Variants in ARB2A observed in about 807,000 individuals in gnomAD.
ARB2A encodes ARB2 cotranscriptional regulator A.
chr5:94,039,951 C>T, the ARB2A span, among the ~76,000 whole-genome samples: 2 of 152,002 alleles, frequency 1.3e-5, no homozygotes, highest in African/African-American at 2.4e-5. Flanking sequence ...GTTGGGTACC[C>T]GAGTAAAGGA....
the ARB2A span, among the ~76,000 whole-genome samples, chr5:93,996,920 A>G: frequency 6.6e-6 from 1 of 152,086 alleles, no homozygotes; most frequent in South Asian, 2.1e-4. Flanking sequence ...TCTGCCAGGT[A>G]GTTGGCTCAA....
At chr5:93,884,799 T>G in the ARB2A span, among the ~76,000 whole-genome samples, 1 of 151,582 alleles carries the variant, frequency 6.6e-6, no homozygotes, top group East Asian at 1.9e-4. Flanking sequence ...AATTAATTAA[T>G]GCAATATTCA....
chr5:93,853,306 T>C, the ARB2A span, among the ~76,000 whole-genome samples: 1 of 152,248 alleles, frequency 6.6e-6, no homozygotes, highest in African/African-American at 2.4e-5. Flanking sequence ...TACATTGATT[T>C]TGTATCCTGA....
chr5:93,779,955 G>A, the ARB2A span, among the ~76,000 whole-genome samples: 1 of 151,944 alleles, frequency 6.6e-6, no homozygotes, highest in Non-Finnish European at 1.5e-5. Flanking sequence ...TTTCAGAGTA[G>A]GTTTGAAATA....
At chr5:93,850,790 A>AT in the ARB2A span, among the ~76,000 whole-genome samples, 4 of 152,086 alleles carry the variant, frequency 2.6e-5, no homozygotes, top group East Asian at 1.9e-4. Flanking sequence ...CAATATGAAC[A>AT]TTTTTTCATA....
the ARB2A span, among the ~76,000 whole-genome samples, chr5:93,730,032 A>G: frequency 6.6e-6 from 1 of 152,192 alleles, no homozygotes; most frequent in Non-Finnish European, 1.5e-5. Context: ...ATATGTGCAC[A>G]GAGAATGTTC....
At chr5:93,834,171 G>T in the ARB2A span, among the ~76,000 whole-genome samples, 1 of 152,196 alleles carries the variant, frequency 6.6e-6, no homozygotes, top group Non-Finnish European at 1.5e-5. Flanking sequence ...GTAAGAAGAA[G>T]AAAGAGTAAT....
At chr5:93,836,693 T>C in the ARB2A span, among the ~76,000 whole-genome samples, 2 of 152,214 alleles carry the variant, frequency 1.3e-5, no homozygotes, top group African/African-American at 4.8e-5. Context: ...TTAATGATGA[T>C]TAAAGTACTA....
At chr5:94,084,655 C>T in the ARB2A span, among the ~76,000 whole-genome samples, 4 of 152,156 alleles carry the variant, frequency 2.6e-5, no homozygotes, top group African/African-American at 9.6e-5. Context: ...AGAAAGCATG[C>T]CATTAATACT....
the ARB2A span, among the ~76,000 whole-genome samples, chr5:94,054,520 A>G: frequency 6.6e-6 from 1 of 152,126 alleles, no homozygotes; most frequent in African/African-American, 2.4e-5. Flanking sequence ...TTCTCAACAG[A>G]TCATGGCAAG....
the ARB2A span, among the ~76,000 whole-genome samples, chr5:93,981,137 C>T: frequency 1.5e-3 from 232 of 150,774 alleles, 1 homozygote; most frequent in Non-Finnish European, 2.1e-3. Flanking sequence ...GGCGCGATCT[C>T]GGCTCACTGT....
the ARB2A span, among the ~76,000 whole-genome samples, chr5:93,695,308 T>A: frequency 6.6e-6 from 1 of 151,894 alleles, no homozygotes; most frequent in African/African-American, 2.4e-5. Context: ...AGGGCTAATA[T>A]CCAGAATCTA....
At chr5:93,751,744 T>C in the ARB2A span, among the ~76,000 whole-genome samples, 1 of 152,220 alleles carries the variant, frequency 6.6e-6, no homozygotes, top group African/African-American at 2.4e-5. Flanking sequence ...GCAGTTTTCT[T>C]TGAAGACGTA....
At chr5:94,010,180 T>C in the ARB2A span, among the ~76,000 whole-genome samples, 1 of 152,112 alleles carries the variant, frequency 6.6e-6, no homozygotes, top group African/African-American at 2.4e-5. Context: ...TAAAAAACTT[T>C]AGTGCTACAA....
chr5:93,979,346 T>C, the ARB2A span, among the ~76,000 whole-genome samples: 9 of 152,136 alleles, frequency 5.9e-5, no homozygotes, highest in Non-Finnish European at 1.2e-4. Flanking sequence ...TATGGTTCAA[T>C]GGAAACAAAT....
the ARB2A span, among the ~76,000 whole-genome samples, chr5:93,744,173 A>C: frequency 6.6e-6 from 1 of 152,216 alleles, no homozygotes; most frequent in Admixed American, 6.5e-5. Context: ...ACGGTGGCTC[A>C]CACCTGTAAT....
the ARB2A span, among the ~76,000 whole-genome samples, chr5:93,870,041 C>T: frequency 6.6e-6 from 1 of 152,352 alleles, no homozygotes; most frequent in East Asian, 1.9e-4. Flanking sequence ...CAGCAAGAAG[C>T]CACCCATTCT....
chr5:93,870,219 G>A, the ARB2A span, among the ~76,000 whole-genome samples: 10 of 152,314 alleles, frequency 6.6e-5, no homozygotes, highest in South Asian at 1.9e-3. Context: ...ACCAAAGGGA[G>A]GAGGGAGGAA....
chr5:93,923,612 C>A, the ARB2A span, among the ~76,000 whole-genome samples: 2 of 152,176 alleles, frequency 1.3e-5, no homozygotes, highest in South Asian at 2.1e-4. Flanking sequence ...GAGCTCAAGA[C>A]CAACCTGGAC....
Sources: allele counts gnomAD v4.1 joint callset (sites outside exome capture counted in the v4.1 genomes callset), GRCh38; gene constraint gnomAD v4.1.1; transcripts MANE v1.5; gene names NCBI Gene and HGNC (gene_info 2026-07-23, HGNC 2026-07-21).